SHC4: variants seen among roughly 807,000 people sequenced by gnomAD.
The protein encoded by SHC4 is SHC adaptor protein 4, also known as SHC-transforming protein 4.
Under a neutral mutation model 69.4 loss-of-function variants are expected in SHC4, and 41 were observed. The ratio of observed to expected loss-of-function variants is 0.59; its 90% CI spans 0.46 to 0.77. SHC4 has a LOEUF of 0.77. Ranked by LOEUF, SHC4 falls within the 30% of genes least tolerant of loss-of-function variation. The pLI, the probability that SHC4 is intolerant of heterozygous loss-of-function variation, is 0.00. For synonymous variants in SHC4, 318 were observed against 299.3 expected, an observed-to-expected ratio of 1.06 and a Z score of -0.64; for missense variants, 777 against 783.8, an observed-to-expected ratio of 0.99 and a Z score of 0.10.
chr15:48,856,784 A>AC (rs1899324929), intron 7 of SHC4, among the ~76,000 whole-genome samples: 1 of 152,016 alleles, frequency 6.6e-6, no homozygotes, highest in Non-Finnish European at 1.5e-5. Context: ...AAAAAAAAAA[A>AC]AAAAAACAAG....
chr15:48,936,420 C>A (rs865997436), intron 1 of SHC4, among the ~76,000 whole-genome samples: 38 of 152,160 alleles, frequency 2.5e-4, no homozygotes, highest in African/African-American at 8.7e-4. Context: ...GTGAGCAAAG[C>A]CTTTCACTTG....
intron 1 of SHC4, among the ~76,000 whole-genome samples, chr15:48,952,926 A>G (rs1193483990): frequency 6.6e-6 from 1 of 152,238 alleles, no homozygotes; most frequent in Non-Finnish European, 1.5e-5. Context: ...GTATATACCC[A>G]AAGGAATATA....
At chr15:48,945,634 G>T (rs1367029134) in intron 1 of SHC4, among the ~76,000 whole-genome samples, 4 of 152,198 alleles carry the variant, frequency 2.6e-5, no homozygotes, top group Admixed American at 1.3e-4. Context: ...CATATTATAT[G>T]ATTCCATTTA....
chr15:48,890,092 A>G (rs2141005522), intron 3 of SHC4, among the ~76,000 whole-genome samples: 1 of 152,068 alleles, frequency 6.6e-6, no homozygotes, highest in East Asian at 1.9e-4. Flanking sequence ...ACATAACTCT[A>G]TAAAGTAAGT....
intron 7 of SHC4, among the ~76,000 whole-genome samples, chr15:48,856,418 T>G (rs555978764): frequency 6.6e-6 from 1 of 152,288 alleles, no homozygotes; most frequent in East Asian, 1.9e-4. Flanking sequence ...TTCCTAAATG[T>G]AAGATATTTT....
chr15:48,951,632 T>A (rs909842397), intron 1 of SHC4, among the ~76,000 whole-genome samples: 1 of 152,154 alleles, frequency 6.6e-6, no homozygotes, highest in African/African-American at 2.4e-5. Context: ...GCTCCCCAAA[T>A]ACATCCTCCA....
At chr15:48,911,213 C>T (rs914989074) in intron 2 of SHC4, among the ~76,000 whole-genome samples, 1 of 152,020 alleles carries the variant, frequency 6.6e-6, no homozygotes, top group African/African-American at 2.4e-5. Flanking sequence ...TTTCTTAGGT[C>T]TATTAGTAAT....
At chr15:48,864,481 T>C (rs1899517857) in intron 6 of SHC4, among the ~76,000 whole-genome samples, 1 of 131,374 alleles carries the variant, frequency 7.6e-6, no homozygotes. Context: ...AGAGTCTTGC[T>C]CTGTCGCCCA....
chr15:48,962,771 G>A lies in SHC4; in HGVS notation c.245C>T (p.Pro82Leu), dbSNP rs776839877. The stretch of plus-strand genomic sequence containing the variant: ...CATGCGGGGGATCAAGGTGCACAGT[G>A]GGGTGGGGCTCTCCTGCGACGGCAA... ...ATLPSQESPT[P>L]LCTLIPRMAS... The change falls in exon 1 of 12, where the codon CCA becomes CTA. Residue 82 changes from proline to leucine, a missense_variant. By Grantham distance (98) the Pro-to-Leu change is moderately conservative. Transcript: ENST00000332408. 4.3e-6 allele frequency: 7 copies of A among 1,612,750 alleles called. No homozygotes were observed. In the East Asian group the frequency reaches 1.1e-4, roughly 26 times the overall value.
rs564553716 is a variant in SHC4, at chr15:48,962,053, C to A, written c.585+378G>T. 2.4e-4 allele frequency among the ~76,000 whole-genome samples: 37 copies of A among 152,328 alleles called. No individual in the cohort carries two copies. In the East Asian group the frequency reaches 6.6e-3, roughly 27 times the overall value. ...ATCCAAAATACAATGGCCAGTATAA[C>A]CTACCAGGTCTCAATCACTGATCAG... On this transcript the variant is annotated intron_variant, in intron 1 of 11. Transcript: ENST00000332408.
intron 1 of SHC4, among the ~76,000 whole-genome samples, chr15:48,943,559 C>T (rs900875572): frequency 6.6e-6 from 1 of 152,056 alleles, no homozygotes; most frequent in Non-Finnish European, 1.5e-5. Context: ...CTACAATGAA[C>T]ACGGGGGTGC....
At chr15:48,843,270 G>T in intron 10 of SHC4, 139 bp downstream of exon 10, 2 of 766,658 alleles carry the variant, frequency 2.6e-6, no homozygotes, top group South Asian at 1.7e-5. Flanking sequence ...TCTTCCAGAG[G>T]TCCTAGAAGG....
chr15:48,924,844 A>G (rs774051427), intron 2 of SHC4, 35 bp downstream of exon 2: 2 of 1,602,692 alleles, frequency 1.2e-6, no homozygotes, highest in Non-Finnish European at 8.5e-7. Context: ...TTTAAACCAT[A>G]CTCCTCAAAG....
intron 1 of SHC4, among the ~76,000 whole-genome samples, chr15:48,956,967 TTTC>T (rs1901465144): frequency 3.6e-5 from 1 of 27,454 alleles, no homozygotes; most frequent in African/African-American, 7.7e-5. Flanking sequence ...TCTTTCTTTC[TTTC>T]TTTCTTTTTT....
chr15:48,871,305 T>A (rs1054161107), intron 5 of SHC4, among the ~76,000 whole-genome samples: 1 of 152,170 alleles, frequency 6.6e-6, no homozygotes, highest in African/African-American at 2.4e-5. Flanking sequence ...TAACCTTTCA[T>A]CAAAACATAT....
intron 1 of SHC4, among the ~76,000 whole-genome samples, chr15:48,957,243 G>A (rs1247070053): frequency 6.6e-6 from 1 of 152,012 alleles, no homozygotes; most frequent in Admixed American, 6.6e-5. Context: ...CTCCCTAAGT[G>A]CTGGGGTTAC....
chr15:48,862,806 TC>T (rs1202204770), intron 6 of SHC4, among the ~76,000 whole-genome samples: 1 of 152,168 alleles, frequency 6.6e-6, no homozygotes, highest in Non-Finnish European at 1.5e-5. Context: ...ACCTTGCTCT[TC>T]CCCTCTGTTA....
At position 48,907,814 on chromosome 15, in the gene SHC4, A is replaced by ATGTGTG. The variant is rs60841488; in HGVS notation, c.657-17009_657-17004dup. The stretch of plus-strand genomic sequence containing the variant: ...CGGTCATAAAAAGGAATGAATGAAT[A>ATGTGTG]TGTGTGTGTGTGTGTGTGTGTGTGT... On this transcript the variant is annotated intron_variant, in intron 2 of 11. Coordinates refer to ENST00000332408, the MANE Select transcript of SHC4 (RefSeq NM_203349.4). Among the ~76,000 whole-genome samples, 75 of 145,048 alleles carry ATGTGTG rather than the reference A, an allele frequency of 5.2e-4. 1 individual carries two copies. Among genetic ancestry groups the ATGTGTG allele is most frequent in the African/African-American group, 1.3e-3 (51 of 39,176 alleles).
intron 7 of SHC4, 99 bp from the exon 8 acceptor site, chr15:48,856,223 T>C (rs1241713200): frequency 1.1e-5 from 13 of 1,187,048 alleles, no homozygotes; most frequent in Middle Eastern, 2.0e-4. Flanking sequence ...CTGAAAAACT[T>C]TGCATTCATG....
Sources: gnomAD v4.1 joint callset for allele counts (sites outside exome capture counted in the v4.1 genomes callset) on GRCh38, gnomAD v4.1.1 for gene constraint, MANE v1.5 for transcripts, NCBI Gene and HGNC (gene_info 2026-07-23, HGNC 2026-07-21) for gene names.